RAB4A: variants seen among roughly 807,000 people sequenced by gnomAD.
RAB4A encodes the protein ras-related protein Rab-4A.
In RAB4A, 20 loss-of-function variants were observed where a neutral mutation model predicts 34.5. The ratio of observed to expected loss-of-function variants is 0.58; its 90% CI spans 0.41 to 0.84. The LOEUF is 0.84. RAB4A is among the 40% of genes least tolerant of loss of function. The probability of loss-of-function intolerance (pLI) is 0.00; values close to 1 mark genes in which losing one functional copy is unlikely to be tolerated. For missense variants in RAB4A, 228 were observed against 274.5 expected (o/e 0.83, Z 1.20); for synonymous variants, 102 against 100.0 (o/e 1.02, Z -0.12).
Position 229,303,487 on chromosome 1 carries a change from T to C in RAB4A, c.*13-319T>C, listed in dbSNP as rs34018120. On this transcript the variant is annotated intron_variant, in intron 7 of 7. Coordinates refer to ENST00000366690, the MANE Select transcript of RAB4A (RefSeq NM_004578.4). ...GAAAGGAAGGGCAGGTGGTGGTTGA[T>C]GGGAAGGGTGAGATATCCTGATTCC... 2.2e-3 allele frequency among the ~76,000 whole-genome samples: 337 copies of C among 152,300 alleles called. 9 individuals are homozygous for C. In the East Asian group the frequency reaches 0.053, roughly 24 times the overall value.
chr1:229,297,329 T>C (rs1306528281), intron 4 of RAB4A, among the ~76,000 whole-genome samples, 153 bp from the exon 5 acceptor site: 1 of 152,274 alleles, frequency 6.6e-6, no homozygotes, highest in Non-Finnish European at 1.5e-5. Flanking sequence ...GTATGGTATA[T>C]ACTTGGTGCA....
intron 6 of RAB4A, among the ~76,000 whole-genome samples, 186 bp downstream of exon 6, chr1:229,299,258 T>A (rs1489899026): frequency 1.3e-5 from 2 of 152,218 alleles, no homozygotes; most frequent in Admixed American, 6.5e-5. Flanking sequence ...CCCATCCTTA[T>A]CAGGATGGTT....
At chr1:229,288,708 G>T in intron 2 of RAB4A, 21 bp from the exon 3 acceptor site, 1 of 1,253,088 alleles carries the variant, frequency 8.0e-7, no homozygotes. Flanking sequence ...TAAATATGCT[G>T]TTCTTGTTTT....
chr1:229,283,848 T>A (rs979157196), intron 1 of RAB4A, among the ~76,000 whole-genome samples: 1 of 151,074 alleles, frequency 6.6e-6, no homozygotes, highest in African/African-American at 2.4e-5. Flanking sequence ...TGCCTCAGCC[T>A]CCCAAGTAGC....
chr1:229,288,547 G>A (rs1323368400), intron 2 of RAB4A, among the ~76,000 whole-genome samples, 182 bp from the exon 3 acceptor site: 1 of 152,154 alleles, frequency 6.6e-6, no homozygotes, highest in African/African-American at 2.4e-5. Context: ...TTGAGAATAG[G>A]GGCTGTGTGT....
At chr1:229,275,421 C>T (rs1357500858) in intron 1 of RAB4A, among the ~76,000 whole-genome samples, 2 of 152,024 alleles carry the variant, frequency 1.3e-5, no homozygotes, top group African/African-American at 4.8e-5. Context: ...TTTGAATGCC[C>T]GGCCTCCAGA....
chr1:229,286,429 G>A (rs962682645), intron 1 of RAB4A, 57 bp from the exon 2 acceptor site: 9 of 1,059,786 alleles, frequency 8.5e-6, no homozygotes, highest in Non-Finnish European at 1.2e-5. Context: ...CGTGATCTAA[G>A]AAGAAATTCA....
intron 3 of RAB4A, among the ~76,000 whole-genome samples, chr1:229,294,849 G>A (rs1204552913): frequency 6.6e-6 from 1 of 152,166 alleles, no homozygotes; most frequent in Non-Finnish European, 1.5e-5. Context: ...GTTGGATGTG[G>A]AGAAGAGCAG....
At chr1:229,286,339 A>G (rs1571827448) in intron 1 of RAB4A, 147 bp from the exon 2 acceptor site, 5 of 568,234 alleles carry the variant, frequency 8.8e-6, no homozygotes, top group Admixed American at 3.9e-5. Context: ...GTAAGTCAAC[A>G]TATGTATTGT....
intron 1 of RAB4A, 105 bp from the exon 2 acceptor site, chr1:229,286,381 C>T (rs1656924009): frequency 6.0e-6 from 4 of 670,360 alleles, no homozygotes; most frequent in Non-Finnish European, 1.0e-5. Flanking sequence ...ACCTCTTTTT[C>T]CTGTTATATT....
At chr1:229,273,287 C>CT in intron 1 of RAB4A, among the ~76,000 whole-genome samples, 2 of 152,338 alleles carry the variant, frequency 1.3e-5, no homozygotes, top group Middle Eastern at 3.4e-3. Context: ...GTTAACTGAA[C>CT]TTTTGAGCTT....
intron 2 of RAB4A, among the ~76,000 whole-genome samples, chr1:229,287,915 T>G (rs1381121414): frequency 6.6e-6 from 1 of 152,340 alleles, no homozygotes; most frequent in East Asian, 1.9e-4. Context: ...GATATTCAAT[T>G]TCAGCTTATC....
intron 5 of RAB4A, 33 bp from the exon 6 acceptor site, chr1:229,298,944 A>C: frequency 6.7e-7 from 1 of 1,492,252 alleles, no homozygotes; most frequent in Non-Finnish European, 9.3e-7. Flanking sequence ...CATCTTCTAA[A>C]CATGACTTTA....
At chr1:229,299,667 A>G (rs765986440) in intron 6 of RAB4A, among the ~76,000 whole-genome samples, 2 of 152,208 alleles carry the variant, frequency 1.3e-5, no homozygotes, top group Non-Finnish European at 2.9e-5. Flanking sequence ...GTAACTATAT[A>G]TGGGCATCAC....
Position 229,304,316 on chromosome 1 carries a change from A to C in RAB4A, c.*523A>C, listed in dbSNP as rs907449005. On this transcript the variant is annotated 3_prime_UTR_variant, in exon 8 of 8. Transcript: ENST00000366690. Reference sequence around the variant, plus strand: ...TATTTAACTCCGTTTACTACATTCTACATGGTGTTTACGTGATCCACACTT... The same window carrying C: ...TATTTAACTCCGTTTACTACATTCTCCATGGTGTTTACGTGATCCACACTT... 1 of 151,938 alleles carries C rather than the reference A, an allele frequency of 6.6e-6. No individual in the cohort carries two copies. The highest frequency in any genetic ancestry group is 1.5e-5 in the Non-Finnish European group (1 of 67,976). 9.4% of individuals were successfully genotyped at this position (151,938 alleles called of 1,614,324 possible).
At chr1:229,278,399 T>C (rs1656702540) in intron 1 of RAB4A, among the ~76,000 whole-genome samples, 2 of 152,172 alleles carry the variant, frequency 1.3e-5, no homozygotes, top group African/African-American at 4.8e-5. Flanking sequence ...GCAATCATTT[T>C]TCTTATCCTG....
At chr1:229,276,324 A>G (rs180724182) in intron 1 of RAB4A, among the ~76,000 whole-genome samples, 1 of 151,456 alleles carries the variant, frequency 6.6e-6, no homozygotes, top group East Asian at 1.9e-4. Flanking sequence ...GGAGGCATGT[A>G]ATGACTCCAT....
intron 6 of RAB4A, among the ~76,000 whole-genome samples, chr1:229,299,753 C>G (rs960961926): frequency 6.6e-6 from 1 of 152,060 alleles, no homozygotes. Context: ...AAATCACACC[C>G]CTTGCCCCCC....
intron 1 of RAB4A, among the ~76,000 whole-genome samples, chr1:229,279,301 C>T (rs1031138007): frequency 2.0e-5 from 3 of 152,226 alleles, no homozygotes; most frequent in African/African-American, 7.2e-5. Flanking sequence ...CAGAGGTCAT[C>T]GTGTCTGCTG....
Sources: allele counts gnomAD v4.1 joint callset (sites outside exome capture counted in the v4.1 genomes callset), GRCh38; gene constraint gnomAD v4.1.1; transcripts MANE v1.5; gene names NCBI Gene and HGNC (gene_info 2026-07-23, HGNC 2026-07-21).